DNTTIP1: variants seen among roughly 807,000 people sequenced by gnomAD.
DNTTIP1 encodes deoxynucleotidyltransferase terminal-interacting protein 1.
In DNTTIP1, 22 loss-of-function variants were observed where a neutral mutation model predicts 52.9. The observed-to-expected ratio is 0.42, with a 90% CI of 0.30 to 0.59. DNTTIP1 has a LOEUF of 0.59. Ranked by LOEUF, DNTTIP1 falls within the 20% of genes least tolerant of loss-of-function variation. DNTTIP1 has a pLI of 0.22. For missense variants in DNTTIP1, 286 were observed against 435.5 expected (o/e 0.66, Z 3.06); for synonymous variants, 136 against 155.1 (o/e 0.88, Z 0.92).
At chr20:45,802,120 G>A in intron 7 of DNTTIP1, 63 bp downstream of exon 7, 1 of 1,550,032 alleles carries the variant, frequency 6.5e-7, no homozygotes, top group South Asian at 1.1e-5. Flanking sequence ...GGGCCCTGAA[G>A]GAAAAGAGTC....
intron 11 of DNTTIP1, among the ~76,000 whole-genome samples, chr20:45,810,031 A>T (rs1981772340): frequency 6.6e-6 from 1 of 152,200 alleles, no homozygotes; most frequent in Non-Finnish European, 1.5e-5. Context: ...TCTTTAAAAA[A>T]AAAAAGTGTT....
chr20:45,810,567 CTTTTTTTCTTTTTTTTT>C (rs1476620559), intron 11 of DNTTIP1, among the ~76,000 whole-genome samples: 2 of 100,492 alleles, frequency 2.0e-5, no homozygotes, highest in Admixed American at 2.4e-4. Context: ...CTTTTTTTTT[CTTTTTTTCTTTTTTTTT>C]TTTTTTTCTT....
At chr20:45,793,466 G>C (rs528313111) in intron 2 of DNTTIP1, among the ~76,000 whole-genome samples, 2 of 152,298 alleles carry the variant, frequency 1.3e-5, no homozygotes, top group South Asian at 4.1e-4. Context: ...TTGGGAGTCT[G>C]AGGCGGGCAG....
chr20:45,796,533 TG>T (rs1439733971), intron 4 of DNTTIP1: 2 of 471,092 alleles, frequency 4.2e-6, no homozygotes, highest in East Asian at 1.4e-4. Flanking sequence ...CCTGCCTCTC[TG>T]GTGTGGTCAG....
At chr20:45,794,095 T>TGATG in intron 3 of DNTTIP1, 78 bp downstream of exon 3, 2 of 858,708 alleles carry the variant, frequency 2.3e-6, no homozygotes. Context: ...CACCAGTCTG[T>TGATG]CTCTTTCCTA....
intron 11 of DNTTIP1, 125 bp from the exon 12 acceptor site, chr20:45,810,760 T>G (rs1981807120): frequency 1.2e-6 from 1 of 820,154 alleles, no homozygotes; most frequent in Admixed American, 2.2e-5. Context: ...CGTACTAAAT[T>G]GTAAACCGCA....
At chr20:45,794,058 CATG>C (rs957710281) in intron 3 of DNTTIP1, 41 bp downstream of exon 3, 1 of 1,354,620 alleles carries the variant, frequency 7.4e-7, no homozygotes, top group Non-Finnish European at 1.0e-6. Context: ...GAGAAAGACT[CATG>C]AGGAGCCCAG....
At position 45,798,789 on chromosome 20, in the gene DNTTIP1, T is replaced by C. The variant is rs528150668; in HGVS notation, c.373-2285T>C. 1.8e-4 allele frequency among the ~76,000 whole-genome samples: 28 copies of C among 152,338 alleles called. 1 individual carries two copies. The South Asian group carries it at 5.6e-3, about 30-fold the overall frequency. ...CTTGAGCTTTACAAGAGTTGAGGCC[T>C]AATCTTGTTCACCACTGTATTCCCA... is the stretch of plus-strand genomic sequence containing the variant. On this transcript the variant is annotated intron_variant, in intron 4 of 12. Transcript: ENST00000372622.
Position 45,809,323 on chromosome 20 carries a change from T to C in DNTTIP1, c.795+138T>C. 1.4e-6 allele frequency: 1 copy of C among 718,278 alleles called. No homozygotes were observed. The highest frequency in any genetic ancestry group is 2.4e-6 in the Non-Finnish European group (1 of 417,390). 44.5% of individuals were successfully genotyped at this position (718,278 alleles called of 1,614,324 possible). A position where few individuals can be genotyped will look rare whatever the true frequency, so the allele number is the denominator to read the frequency against. Reference sequence around the variant, plus strand: ...TGTGAGAAGAGAGACTTATAAGGCCTATTTCTTCATGCTGAAGAGCAAATT... The same window carrying C: ...TGTGAGAAGAGAGACTTATAAGGCCCATTTCTTCATGCTGAAGAGCAAATT... On this transcript the variant is annotated intron_variant, in intron 11 of 12. Transcript: ENST00000372622. This position sits in a 1 kb window ranked among gnomAD's most constrained non-coding sequence, Gnocchi z 4.2.
At chr20:45,794,252 G>T (rs570680658) in intron 3 of DNTTIP1, among the ~76,000 whole-genome samples, 23 of 152,132 alleles carry the variant, frequency 1.5e-4, no homozygotes, top group Non-Finnish European at 3.2e-4. Flanking sequence ...AGGTTCCAGC[G>T]ATTCTCATGC....
intron 10 of DNTTIP1, among the ~76,000 whole-genome samples, 177 bp downstream of exon 10, chr20:45,805,543 G>A (rs769386014): frequency 6.6e-5 from 10 of 152,208 alleles, no homozygotes; most frequent in Non-Finnish European, 1.3e-4. Flanking sequence ...CTGTGCCTCA[G>A]TAATAACAGC....
chr20:45,801,635 A>G (rs1981476472), intron 6 of DNTTIP1, among the ~76,000 whole-genome samples, 177 bp downstream of exon 6: 2 of 152,242 alleles, frequency 1.3e-5, no homozygotes, highest in South Asian at 4.1e-4. Context: ...AAATAAAAAA[A>G]AAATTAGCCA....
rs753011518 is a variant in DNTTIP1 at position 45,802,022 on chromosome 20, C to T, written c.522C>T (p.His174=). Residue 174 remains histidine (H), a synonymous_variant, in exon 7 of 13, where the codon CAC becomes CAT. Coordinates refer to ENST00000372622, the MANE Select transcript of DNTTIP1 (RefSeq NM_052951.3). ...PKKRKGRPPG[H]ILSSDRAAAG... is the part of the protein sequence containing the mutation. ...AGAGGAAAGGACGGCCTCCTGGACA[C>T]ATCCTGTCAAGCGACCGGGCAGCCG... The T allele has an allele frequency of 2.6e-5, 42 of 1,614,098 alleles. No homozygotes were observed. The highest frequency in any genetic ancestry group is 3.5e-5 in the Non-Finnish European group (41 of 1,180,060).
chr20:45,806,305 A>G (rs994275720), intron 10 of DNTTIP1, among the ~76,000 whole-genome samples: 35 of 150,074 alleles, frequency 2.3e-4, no homozygotes, highest in African/African-American at 8.1e-4. Flanking sequence ...GCAGTGAGCC[A>G]AGATCTCACC....
At chr20:45,800,119 CAAAAAA>C (rs373126106) in intron 4 of DNTTIP1, among the ~76,000 whole-genome samples, 1 of 121,932 alleles carries the variant, frequency 8.2e-6, no homozygotes, top group African/African-American at 3.1e-5. Flanking sequence ...GATTCCATGT[CAAAAAA>C]AAAAAGAAAA....
Position 45,792,730 on chromosome 20 carries a change from C to T in DNTTIP1, c.159C>T (p.Arg53=). The change falls in exon 2 of 13, where the codon CGC becomes CGT. Residue 53 remains arginine, a synonymous_variant. Coordinates refer to ENST00000372622, the MANE Select transcript of DNTTIP1 (RefSeq NM_052951.3). The stretch of plus-strand genomic sequence containing the variant: ...GGCAGGTGCAGCGGAGGGGCCGCCG[C>T]TCACAGATGACAACAAGGTAAGGCT... ...KHRQVQRRGR[R]SQMTTSFTDP... 6.2e-7 allele frequency: 1 copy of T among 1,612,674 alleles called. No homozygotes were observed. The highest frequency in any genetic ancestry group is 8.5e-7 in the Non-Finnish European group (1 of 1,179,362).
intron 6 of DNTTIP1, 51 bp downstream of exon 6, chr20:45,801,509 C>T (rs756864503): frequency 6.3e-6 from 10 of 1,596,946 alleles, no homozygotes; most frequent in East Asian, 4.5e-5. Flanking sequence ...CTTGTCAGGC[C>T]GGGTGTGGTG....
intron 4 of DNTTIP1, among the ~76,000 whole-genome samples, chr20:45,798,519 A>G (rs918151635): frequency 1.3e-5 from 2 of 150,588 alleles, no homozygotes; most frequent in Non-Finnish European, 3.0e-5. Context: ...CACAGAGCCT[A>G]CCCTCGACTG....
intron 10 of DNTTIP1, among the ~76,000 whole-genome samples, chr20:45,807,858 A>G (rs1324240789): frequency 6.6e-6 from 1 of 152,068 alleles, no homozygotes; most frequent in Non-Finnish European, 1.5e-5. Flanking sequence ...AGGCTGAGGC[A>G]GGAGAATTGC....
Sources: allele counts gnomAD v4.1 joint callset (sites outside exome capture counted in the v4.1 genomes callset), GRCh38; gene constraint gnomAD v4.1.1; non-coding constraint Gnocchi (gnomAD v3.1); transcripts MANE v1.5; gene names NCBI Gene and HGNC (gene_info 2026-07-23, HGNC 2026-07-21).